The following ITFG1 variants were observed in gnomAD, a reference collection of about 807,000 sequenced individuals.
ITFG1 encodes the protein integrin alpha FG-GAP repeat containing 1.
Under a neutral mutation model 81.8 loss-of-function variants are expected in ITFG1, and 34 were observed. The observed-to-expected ratio is 0.42, with a 90% CI of 0.32 to 0.55. The LOEUF is 0.55. Ranked by LOEUF, ITFG1 falls within the 20% of genes least tolerant of loss-of-function variation. ITFG1 has a pLI of 0.17. For synonymous variants in ITFG1, 285 were observed against 270.6 expected, an observed-to-expected ratio of 1.05 and a Z score of -0.52; for missense variants, 672 against 755.4, an observed-to-expected ratio of 0.89 and a Z score of 1.29.
At chr16:47,252,971 T>A (rs907577514) in intron 12 of ITFG1, among the ~76,000 whole-genome samples, 1 of 152,202 alleles carries the variant, frequency 6.6e-6, no homozygotes, top group Non-Finnish European at 1.5e-5. Context: ...TCCTGTGACC[T>A]TTCTGTAAAT....
At chr16:47,409,392 ATATATATATATATTTTTTTTTTTT>A (rs1316311675) in intron 6 of ITFG1, among the ~76,000 whole-genome samples, 1 of 15,466 alleles carries the variant, frequency 6.5e-5, no homozygotes, top group Admixed American at 6.4e-4. Context: ...ATATATATAT[ATATATATATATATTTTTTTTTTTT>A]TTTTTTTTTT....
intron 13 of ITFG1, among the ~76,000 whole-genome samples, chr16:47,234,827 T>C (rs1199616305): frequency 2.0e-5 from 3 of 152,150 alleles, no homozygotes; most frequent in Non-Finnish European, 4.4e-5. Context: ...CCACATGTCA[T>C]GGGAGGGACC....
At chr16:47,167,389 C>T (rs1031583435) in intron 14 of ITFG1, among the ~76,000 whole-genome samples, 1 of 152,128 alleles carries the variant, frequency 6.6e-6, no homozygotes, top group Non-Finnish European at 1.5e-5. Flanking sequence ...TGATGACATT[C>T]CACCACAAAA....
chr16:47,351,821 G>A (rs986968120), intron 8 of ITFG1, among the ~76,000 whole-genome samples: 3 of 152,124 alleles, frequency 2.0e-5, no homozygotes, highest in African/African-American at 7.2e-5. Flanking sequence ...ATACTACAAG[G>A]CTACAGTAAC....
chr16:47,227,625 C>CAAAT (rs1965771951), intron 13 of ITFG1, among the ~76,000 whole-genome samples: 1 of 152,008 alleles, frequency 6.6e-6, no homozygotes, highest in Admixed American at 6.5e-5. Flanking sequence ...TTTAGTAAGC[C>CAAAT]AAATGGTGGT....
Position 47,422,375 on chromosome 16 carries a change from T to G in ITFG1, c.655+6429A>C, listed in dbSNP as rs190815277. Among the ~76,000 whole-genome samples the G allele has an allele frequency of 4.6e-3, 695 of 152,340 alleles. 1 individual carries two copies. The highest frequency in any genetic ancestry group is 7.1e-3 in the Non-Finnish European group (480 of 68,030). ...ACTTTTCAATGATGGACATTCTAAC[T>G]GGCATGAGATGGTTTGCCAGTATTT... On this transcript the variant is annotated intron_variant, in intron 6 of 17. Coordinates refer to ENST00000320640, the MANE Select transcript of ITFG1 (RefSeq NM_030790.5).
intron 6 of ITFG1, among the ~76,000 whole-genome samples, chr16:47,404,630 C>T (rs765971049): frequency 5.9e-5 from 9 of 152,134 alleles, no homozygotes; most frequent in Non-Finnish European, 1.3e-4. Context: ...GACACATACA[C>T]GTATGCATAC....
At chr16:47,433,902 A>AT (rs1969128922) in intron 5 of ITFG1, among the ~76,000 whole-genome samples, 1 of 99,716 alleles carries the variant, frequency 1.0e-5, no homozygotes, top group Non-Finnish European at 2.0e-5. Flanking sequence ...ATATATATAT[A>AT]TATAGTTGTC....
At chr16:47,331,344 G>C (rs770778014) in intron 8 of ITFG1, among the ~76,000 whole-genome samples, 1 of 152,048 alleles carries the variant, frequency 6.6e-6, no homozygotes, top group African/African-American at 2.4e-5. Flanking sequence ...AGAGGGAAGA[G>C]GGCAAGGGCT....
intron 6 of ITFG1, among the ~76,000 whole-genome samples, chr16:47,416,287 T>C (rs1220470538): frequency 6.6e-6 from 1 of 152,072 alleles, no homozygotes; most frequent in Non-Finnish European, 1.5e-5. Context: ...AAATAAATTG[T>C]TATAATCATA....
At chr16:47,278,794 TTA>T (rs1206487607) in intron 10 of ITFG1, among the ~76,000 whole-genome samples, 2 of 152,164 alleles carry the variant, frequency 1.3e-5, no homozygotes, top group Non-Finnish European at 2.9e-5. Flanking sequence ...GAAATGATTA[TTA>T]TCAGCTAATA....
intron 14 of ITFG1, among the ~76,000 whole-genome samples, chr16:47,213,973 C>G (rs1319784285): frequency 6.6e-6 from 1 of 152,192 alleles, no homozygotes; most frequent in Non-Finnish European, 1.5e-5. Flanking sequence ...TATAGACTCT[C>G]CATCAGAAAT....
intron 5 of ITFG1, chr16:47,450,115 T>C (rs1969370124): frequency 6.5e-6 from 1 of 154,616 alleles, no homozygotes; most frequent in East Asian, 1.9e-4. Flanking sequence ...AGGAGCGGAG[T>C]GGTGGTGGGG....
intron 10 of ITFG1, among the ~76,000 whole-genome samples, chr16:47,296,132 C>T (rs777056246): frequency 2.0e-5 from 3 of 151,544 alleles, no homozygotes; most frequent in Admixed American, 6.6e-5. Flanking sequence ...AGGTAGGTCT[C>T]GCTATGTTGG....
intron 8 of ITFG1, among the ~76,000 whole-genome samples, chr16:47,319,165 A>T (rs1233357390): frequency 6.6e-6 from 1 of 152,222 alleles, no homozygotes; most frequent in Non-Finnish European, 1.5e-5. Context: ...CTAAATGTTG[A>T]TACACTTCAT....
intron 6 of ITFG1, among the ~76,000 whole-genome samples, chr16:47,415,132 G>A (rs115089203): frequency 0.015 from 2,305 of 152,210 alleles, 56 homozygotes; most frequent in African/African-American, 0.052. Flanking sequence ...ATTCTCAGCC[G>A]TCCTCATGAT....
In ITFG1 at chr16:47,313,804, A is replaced by C. The variant is rs1596885129; in HGVS notation, c.822T>G (p.Asp274Glu). The part of the protein sequence containing the change: ...FADFDGDGHM[D>E]HLLPGCEDKN... ...TATCTTCACAGCCTGGCAGTAAATG[A>C]TCCATGTGTCCATCTCCATCTGCCA... The change falls in exon 9 of 18, where the codon GAT becomes GAG. Residue 274 changes from aspartate to glutamate, a missense_variant. By Grantham distance (45) the Asp-to-Glu change is conservative. This residue lies in a region of ITFG1 where 560 missense variants were observed against 625.7 expected (regional missense o/e 0.90). Transcript: ENST00000320640. The C allele has an allele frequency of 6.2e-7, 1 of 1,604,436 alleles. No individual in the cohort carries two copies. The highest frequency in any genetic ancestry group is 8.5e-7 in the Non-Finnish European group (1 of 1,174,632).
intron 13 of ITFG1, among the ~76,000 whole-genome samples, chr16:47,228,380 G>A (rs1161217921): frequency 6.6e-6 from 1 of 151,876 alleles, no homozygotes; most frequent in African/African-American, 2.4e-5. Flanking sequence ...TTGTTTTTTA[G>A]ACAAGGTCTC....
chr16:47,325,937 C>T (rs896608822), intron 8 of ITFG1, among the ~76,000 whole-genome samples: 1 of 152,128 alleles, frequency 6.6e-6, no homozygotes, highest in Non-Finnish European at 1.5e-5. Flanking sequence ...CTACTCCAAT[C>T]AACACAAAAA....
Sources: gnomAD v4.1 joint callset for allele counts (sites outside exome capture counted in the v4.1 genomes callset) on GRCh38, gnomAD v4.1.1 for gene constraint, gnomAD v4.1.1 regional missense constraint, MANE v1.5 for transcripts, NCBI Gene and HGNC (gene_info 2026-07-23, HGNC 2026-07-21) for gene names.